Variants in MEX3A observed in about 807,000 individuals in gnomAD.
MEX3A encodes mex-3 RNA binding family member A, also known as RNA-binding protein MEX3A.
Under a neutral mutation model 30.0 loss-of-function variants are expected in MEX3A, and 4 were observed. That is an observed-to-expected ratio of 0.13 (90% CI 0.07 to 0.30). MEX3A has a LOEUF of 0.30. Ranked by LOEUF, MEX3A falls within the 10% of genes least tolerant of loss-of-function variation. The pLI is 1.00. For missense variants in MEX3A, 555 were observed against 736.7 expected (o/e 0.75, Z 2.86); for synonymous variants, 335 against 327.6 (o/e 1.02, Z -0.24).
chr1:156,081,310 G>C (rs1352833765), intron 1 of MEX3A, among the ~76,000 whole-genome samples: 1 of 152,218 alleles, frequency 6.6e-6, no homozygotes, highest in Non-Finnish European at 1.5e-5. Context: ...CCAGTGCGAG[G>C]ATATTTCTTT....
In MEX3A at chr1:156,082,288, T is replaced by G. The variant is rs1572302507; in HGVS notation, c.-290A>C. ...GCAGATCTCCTCTCCTCTCCGGGGGTGACGGGGGGCGGGGGGCTGCAGGAT... is the reference window on the plus strand; with the variant it reads ...GCAGATCTCCTCTCCTCTCCGGGGGGGACGGGGGGCGGGGGGCTGCAGGAT... On this transcript the variant is annotated 5_prime_UTR_variant, in exon 1 of 2. Transcript: ENST00000532414. Among the ~76,000 whole-genome samples the G allele has an allele frequency of 1.6e-5, 2 of 125,158 alleles. No individual in the cohort carries two copies. The highest frequency in any genetic ancestry group is 6.1e-5 in the African/African-American group (2 of 32,622). 82.1% of individuals were successfully genotyped at this position (125,158 alleles called of 152,430 possible).
chr1:156,077,062 G>C lies in MEX3A; in HGVS notation c.1075C>G (p.Gln359Glu). 1 of 1,613,886 alleles carries C rather than the reference G, an allele frequency of 6.2e-7. No individual in the cohort carries two copies. The highest frequency in any genetic ancestry group is 1.3e-5 in the African/African-American group (1 of 75,072). The change falls in exon 2 of 2, where the codon CAG (glutamine) becomes GAG (glutamate). Residue 359 changes from glutamine to glutamate, a missense_variant. This residue lies in a region of MEX3A where 281 missense variants were observed against 265.1 expected (regional missense o/e 1.06). Coordinates refer to ENST00000532414, the MANE Select transcript of MEX3A (RefSeq NM_001093725.2). The surrounding 1 kb of genome is among the most constrained non-coding windows in gnomAD (Gnocchi z 8.3). Reference protein sequence around the residue: ...SGFEAPRLGEQGGDFGYGGYL... With the variant: ...SGFEAPRLGEEGGDFGYGGYL... ...CCGCCGTAGCCAAAGTCCCCGCCCTGCTCACCCAGGCGTGGGGCCTCAAAG... is the reference window on the plus strand; with the variant it reads ...CCGCCGTAGCCAAAGTCCCCGCCCTCCTCACCCAGGCGTGGGGCCTCAAAG...
In MEX3A at chr1:156,076,704, G is replaced by C. The variant is rs780397624; in HGVS notation, c.1433C>G (p.Thr478Ser). Residue 478 changes from threonine to serine, a missense_variant, in exon 2 of 2, where the codon ACT (threonine) becomes AGT (serine). Around this residue, in one of 6 missense-constraint regions of MEX3A, gnomAD observed 281 missense variants for 265.1 expected, o/e 1.06. Transcript: ENST00000532414. The surrounding 1 kb of genome is among the most constrained non-coding windows in gnomAD (Gnocchi z 6.0). ...GTGTCCGCAGGGCACAAGGGCGGCA[G>C]TCACTTCGCTCTCAAAGCAGACCAT... ...DCMVCFESEV[T>S]AALVPCGHNL... is the part of the protein sequence containing the mutation. 18 of 1,613,818 alleles carry C rather than the reference G, an allele frequency of 1.1e-5. No individual in the cohort carries two copies. Among genetic ancestry groups the C allele is most frequent in the Non-Finnish European group, 1.4e-5 (17 of 1,179,810 alleles).
In MEX3A at chr1:156,077,708, G is replaced by C. The variant is rs369231491; in HGVS notation, c.455-26C>G. 1.9e-6 allele frequency: 3 copies of C among 1,547,648 alleles called. No homozygotes were observed. The highest frequency in any genetic ancestry group is 2.3e-5 in the East Asian group (1 of 44,314). On this transcript the variant is annotated intron_variant, in intron 1 of 1. Coordinates refer to ENST00000532414, the MANE Select transcript of MEX3A (RefSeq NM_001093725.2). The surrounding 1 kb of genome is among the most constrained non-coding windows in gnomAD (Gnocchi z 8.3). ...CTGGGATAGGGCGGGGAAGGAGAGA[G>C]ACAAAGAAACGCACACAGCAAGGTT...
chr1:156,081,634 G>C lies in MEX3A; in HGVS notation c.365C>G (p.Ala122Gly). Residue 122 changes from alanine (A) to glycine (G), a missense_variant, in exon 1 of 2, where the codon GCC becomes GGC. Around this residue, in one of 6 missense-constraint regions of MEX3A, gnomAD observed 159 missense variants for 159.9 expected, o/e 0.99. Transcript: ENST00000532414. ...DAKLCALYKE[A>G]ELRLKGSSNT... ...GCTGCTGCCCTTCAGGCGCAGCTCG[G>C]CCTCTTTGTAGAGAGCGCAGAGCTT... 1 of 1,558,630 alleles carries C rather than the reference G, an allele frequency of 6.4e-7. No homozygotes were observed.
At position 156,076,490 on chromosome 1, in the gene MEX3A, T is replaced by G; in HGVS notation, c.*84A>C. ...ATCTCTAAGCACCTTGCCCCTCAAATCACCGCTTTCCAAAAGGCTTTAGTG... is the reference window on the plus strand; with the variant it reads ...ATCTCTAAGCACCTTGCCCCTCAAAGCACCGCTTTCCAAAAGGCTTTAGTG... On this transcript the variant is annotated 3_prime_UTR_variant, in exon 2 of 2. Coordinates refer to ENST00000532414, the MANE Select transcript of MEX3A (RefSeq NM_001093725.2). This position sits in a 1 kb window ranked among gnomAD's most constrained non-coding sequence, Gnocchi z 6.0. The G allele has an allele frequency of 7.0e-7, 1 of 1,419,958 alleles. No homozygotes were observed. The highest frequency in any genetic ancestry group is 9.5e-7 in the Non-Finnish European group (1 of 1,050,636). The allele number at this position is 1,419,958 out of a possible 1,614,324, so 88.0% of individuals were successfully genotyped here. A position where few individuals can be genotyped will look rare whatever the true frequency, so the allele number is the denominator to read the frequency against.
chr1:156,080,817 A>ACCC (rs899214481), intron 1 of MEX3A, among the ~76,000 whole-genome samples: 12 of 143,244 alleles, frequency 8.4e-5, no homozygotes, highest in Admixed American at 2.9e-4. Flanking sequence ...ACTACCAGAG[A>ACCC]CCCCTCTCTA....
In MEX3A at chr1:156,077,517, C is replaced by G; in HGVS notation, c.620G>C (p.Arg207Pro). Residue 207 changes from arginine (R) to proline (P), a missense_variant, in exon 2 of 2, where the codon CGC (arginine) becomes CCC (proline). Physicochemically the swap from Arg to Pro is moderately radical, Grantham distance 103. Transcript: ENST00000532414. The surrounding 1 kb of genome is among the most constrained non-coding windows in gnomAD (Gnocchi z 8.3). ...AEHFSMIRAS[R>P]NKSGAAFGVA... ...ACCAAAGGCGGCGCCTGACTTGTTG[C>G]GGGAGGCACGGATCATGGAGAAGTG... 1 of 1,612,284 alleles carries G rather than the reference C, an allele frequency of 6.2e-7. No individual in the cohort carries two copies. Among genetic ancestry groups the G allele is most frequent in the East Asian group, 2.2e-5 (1 of 44,782 alleles).
chr1:156,078,879 CCT>C (rs1246639091), intron 1 of MEX3A, among the ~76,000 whole-genome samples: 1 of 152,102 alleles, frequency 6.6e-6, no homozygotes, highest in African/African-American at 2.4e-5. Flanking sequence ...ACATCAAGTC[CCT>C]GTGTTTCGGC....
At position 156,077,714 on chromosome 1, in the gene MEX3A, G is replaced by T; in HGVS notation, c.455-32C>A. 6.5e-7 allele frequency: 1 copy of T among 1,541,450 alleles called. No individual in the cohort carries two copies. The highest frequency in any genetic ancestry group is 8.7e-7 in the Non-Finnish European group (1 of 1,149,402). On this transcript the variant is annotated intron_variant, in intron 1 of 1. Coordinates refer to ENST00000532414, the MANE Select transcript of MEX3A (RefSeq NM_001093725.2). This position sits in a 1 kb window ranked among gnomAD's most constrained non-coding sequence, Gnocchi z 8.3. ...TAGGGCGGGGAAGGAGAGAGACAAA[G>T]AAACGCACACAGCAAGGTTTGTGCT...
rs754560032 is a variant in MEX3A at position 156,081,633 on chromosome 1, G to A, written c.366C>T (p.Ala122=). Residue 122 remains alanine (A), a synonymous_variant, in exon 1 of 2, where the codon GCC becomes GCT. Transcript: ENST00000532414. The part of the protein sequence containing the change: ...DAKLCALYKE[A]ELRLKGSSNT... The stretch of plus-strand genomic sequence containing the variant: ...TGCTGCTGCCCTTCAGGCGCAGCTC[G>A]GCCTCTTTGTAGAGAGCGCAGAGCT... The A allele has an allele frequency of 2.6e-6, 4 of 1,559,272 alleles. No individual in the cohort carries two copies. The highest frequency in any genetic ancestry group is 2.3e-5 in the South Asian group (2 of 85,250).
chr1:156,081,972 T>C lies in MEX3A; in HGVS notation c.27A>G (p.Ile9Met). The change falls in exon 1 of 2, where the codon ATA becomes ATG. Residue 9 changes from isoleucine to methionine, a missense_variant. Transcript: ENST00000532414. The part of the protein sequence containing the change: MPSLVVSG[I>M]MERNGGFGEL... ...CTCCAAAGCCCCCATTTCTTTCCAT[T>C]ATTCCAGATACCACTAGACTAGGCA... The C allele has an allele frequency of 6.5e-7, 1 of 1,533,088 alleles. No individual in the cohort carries two copies. 95.0% of individuals were successfully genotyped at this position (1,533,088 alleles called of 1,614,324 possible). A position where few individuals can be genotyped will look rare whatever the true frequency, so the allele number is the denominator to read the frequency against.
chr1:156,075,104 A>G lies in MEX3A; in HGVS notation c.*1470T>C, dbSNP rs1452429303. ...GCAGCAAAGGGGGTGCAAGGCCTGT[A>G]ACAATATGTGATTCTCAGAATAGGC... On this transcript the variant is annotated 3_prime_UTR_variant, in exon 2 of 2. Coordinates refer to ENST00000532414, the MANE Select transcript of MEX3A (RefSeq NM_001093725.2). 1 of 152,332 alleles carries G rather than the reference A, an allele frequency of 6.6e-6. No homozygotes were observed. The highest frequency in any genetic ancestry group is 1.5e-5 in the Non-Finnish European group (1 of 68,046). 9.4% of individuals were successfully genotyped at this position (152,332 alleles called of 1,614,324 possible).
rs1360361813 is a variant in MEX3A at position 156,072,973 on chromosome 1, A to C, written c.*3601T>G. ...TACTGCTACTGCTGCCATGGAGGTC[A>C]AAGCTAAGTGGAAAGCTGGATGGGA... is the stretch of plus-strand genomic sequence containing the variant. On this transcript the variant is annotated 3_prime_UTR_variant, in exon 2 of 2. Coordinates refer to ENST00000532414, the MANE Select transcript of MEX3A (RefSeq NM_001093725.2). 1 of 152,420 alleles carries C rather than the reference A, an allele frequency of 6.6e-6. No individual in the cohort carries two copies. Among genetic ancestry groups the C allele is most frequent in the African/African-American group, 2.4e-5 (1 of 41,454 alleles). 9.4% of individuals were successfully genotyped at this position (152,420 alleles called of 1,614,324 possible). A position where few individuals can be genotyped will look rare whatever the true frequency, so the allele number is the denominator to read the frequency against.
rs1647984277 is a variant in MEX3A at position 156,073,888 on chromosome 1, T to G, written c.*2686A>C. Reference sequence around the variant, plus strand: ...GGGACACCCCAGGATCCTCAGTCCTTAGTCCTACAGCTTCTTCCTTTCTTG... The same window carrying G: ...GGGACACCCCAGGATCCTCAGTCCTGAGTCCTACAGCTTCTTCCTTTCTTG... On this transcript the variant is annotated 3_prime_UTR_variant, in exon 2 of 2. Transcript: ENST00000532414. The G allele has an allele frequency of 6.5e-6, 1 of 152,768 alleles. No homozygotes were observed. The highest frequency in any genetic ancestry group is 1.5e-5 in the Non-Finnish European group (1 of 68,046). The allele number at this position is 152,768 out of a possible 1,614,324, so 9.5% of individuals were successfully genotyped here.
At position 156,082,043 on chromosome 1, in the gene MEX3A, A is replaced by G; in HGVS notation, c.-45T>C. Reference sequence around the variant, plus strand: ...GAGAGAGAGAGGGAGAGAGAGAGAGAGAGGTGGTGGAAGGGAAAAGAGGAG... The same window carrying G: ...GAGAGAGAGAGGGAGAGAGAGAGAGGGAGGTGGTGGAAGGGAAAAGAGGAG... On this transcript the variant is annotated 5_prime_UTR_variant, in exon 1 of 2. Transcript: ENST00000532414. The G allele has an allele frequency of 9.8e-7, 1 of 1,022,394 alleles. No homozygotes were observed. The highest frequency in any genetic ancestry group is 1.3e-6 in the Non-Finnish European group (1 of 769,988). 63.3% of individuals were successfully genotyped at this position (1,022,394 alleles called of 1,614,324 possible). A position where few individuals can be genotyped will look rare whatever the true frequency, so the allele number is the denominator to read the frequency against.
chr1:156,080,139 C>A (rs1055405200), intron 1 of MEX3A, among the ~76,000 whole-genome samples: 2 of 152,206 alleles, frequency 1.3e-5, no homozygotes, highest in African/African-American at 2.4e-5. Context: ...AATTCCGGGG[C>A]CTCCCAAGAC....
In MEX3A at chr1:156,076,318, T is replaced by G. The variant is rs1572298111; in HGVS notation, c.*256A>C. 2.6e-6 allele frequency: 1 copy of G among 384,210 alleles called. No homozygotes were observed. Among genetic ancestry groups the G allele is most frequent in the Non-Finnish European group, 4.6e-6 (1 of 215,394 alleles). 23.8% of individuals were successfully genotyped at this position (384,210 alleles called of 1,614,324 possible). A position where few individuals can be genotyped will look rare whatever the true frequency, so the allele number is the denominator to read the frequency against. ...TCTTAGCTGCTTCCAGATTTAAGGG[T>G]GTGTTGAGGTATCAGAGTTGTAACT... On this transcript the variant is annotated 3_prime_UTR_variant, in exon 2 of 2. Transcript: ENST00000532414. The surrounding 1 kb of genome is among the most constrained non-coding windows in gnomAD (Gnocchi z 6.0).
At position 156,081,677 on chromosome 1, in the gene MEX3A, T is replaced by C. The variant is rs1165264257; in HGVS notation, c.322A>G (p.Lys108Glu). The C allele has an allele frequency of 4.1e-6, 6 of 1,467,534 alleles. No individual in the cohort carries two copies. Among genetic ancestry groups the C allele is most frequent in the African/African-American group, 1.5e-5 (1 of 68,096 alleles). 90.9% of individuals were successfully genotyped at this position (1,467,534 alleles called of 1,614,324 possible). ...AQTPQPPTAPKGASDAKLCAL... is the reference protein window; with the variant it reads ...AQTPQPPTAPEGASDAKLCAL... Reference sequence around the variant, plus strand: ...CAGAGCTTGGCGTCGCTCGCCCCTTTGGGGGCGGTGGGGGGCTGGGGCGTC... The same window carrying C: ...CAGAGCTTGGCGTCGCTCGCCCCTTCGGGGGCGGTGGGGGGCTGGGGCGTC... The change falls in exon 1 of 2, where the codon AAA (lysine) becomes GAA (glutamate). Residue 108 changes from lysine to glutamate, a missense_variant. Physicochemically the swap from Lys to Glu is moderately conservative, Grantham distance 56. Coordinates refer to ENST00000532414, the MANE Select transcript of MEX3A (RefSeq NM_001093725.2).
Sources: allele counts gnomAD v4.1 joint callset (sites outside exome capture counted in the v4.1 genomes callset), GRCh38; gene constraint gnomAD v4.1.1; regional missense constraint gnomAD v4.1.1; non-coding constraint Gnocchi (gnomAD v3.1); transcripts MANE v1.5; gene names NCBI Gene and HGNC (gene_info 2026-07-23, HGNC 2026-07-21).